MDGA2: variants seen among roughly 807,000 people sequenced by gnomAD.
MDGA2 encodes the protein MAM domain containing glycosylphosphatidylinositol anchor 2.
Under a neutral mutation model 117.8 loss-of-function variants are expected in MDGA2, and 40 were observed. The observed-to-expected ratio is 0.34, with a 90% CI of 0.26 to 0.44. MDGA2 has a LOEUF of 0.44. MDGA2 is among the 20% of genes least tolerant of loss of function. The pLI is 1.00. For synonymous variants in MDGA2, 452 were observed against 439.0 expected (o/e 1.03, Z -0.37); for missense variants, 1,123 against 1,250.6 (o/e 0.90, Z 1.54).
intron 8 of MDGA2, among the ~76,000 whole-genome samples, chr14:46,966,746 T>G (rs1313047558): frequency 7.0e-6 from 1 of 142,814 alleles, no homozygotes; most frequent in Non-Finnish European, 1.6e-5. Flanking sequence ...TGCCCAAGAT[T>G]AATGATTTTA....
chr14:47,586,059 G>A (rs1023040602), intron 1 of MDGA2, among the ~76,000 whole-genome samples: 1 of 151,864 alleles, frequency 6.6e-6, no homozygotes, highest in South Asian at 2.1e-4. Flanking sequence ...GAACGGGAAA[G>A]GAGGTATATT....
intron 9 of MDGA2, among the ~76,000 whole-genome samples, chr14:46,943,639 C>T (rs1885072434): frequency 6.6e-6 from 1 of 152,048 alleles, no homozygotes; most frequent in Admixed American, 6.6e-5. Flanking sequence ...CTTCTCACTT[C>T]CCACATCACA....
intron 7 of MDGA2, among the ~76,000 whole-genome samples, chr14:47,036,927 AAAC>A (rs2138657343): frequency 6.6e-6 from 1 of 152,340 alleles, no homozygotes; most frequent in Non-Finnish European, 1.5e-5. Flanking sequence ...CTTAGAATTT[AAAC>A]AATATGAACT....
rs552632951 is a variant in MDGA2, at chr14:47,167,953, T to G, written c.596-23679A>C. The stretch of plus-strand genomic sequence containing the variant: ...CATCTCTTTTATTGCATATTTCCAT[T>G]TGATAAAATGTACAACTCCATTGCA... On this transcript the variant is annotated intron_variant, in intron 3 of 16. Coordinates refer to ENST00000399232, the MANE Select transcript of MDGA2 (RefSeq NM_001113498.3). 1.3e-3 allele frequency among the ~76,000 whole-genome samples: 200 copies of G among 152,280 alleles called. 1 individual carries two copies. The highest frequency in any genetic ancestry group is 4.6e-3 in the African/African-American group (191 of 41,568).
chr14:47,073,278 C>T (rs1476286198), intron 6 of MDGA2, among the ~76,000 whole-genome samples: 4 of 152,076 alleles, frequency 2.6e-5, no homozygotes, highest in African/African-American at 9.7e-5. Flanking sequence ...CTGGGAGAGT[C>T]AATATAGAAA....
At chr14:47,511,511 G>A (rs891045718) in intron 1 of MDGA2, among the ~76,000 whole-genome samples, 2 of 152,086 alleles carry the variant, frequency 1.3e-5, no homozygotes, top group South Asian at 4.1e-4. Flanking sequence ...AACACAGAAA[G>A]TATCTATTAA....
chr14:46,947,836 T>TA (rs1885228410), intron 9 of MDGA2, among the ~76,000 whole-genome samples: 5 of 151,092 alleles, frequency 3.3e-5, no homozygotes, highest in African/African-American at 1.2e-4. Context: ...ACTTTCTAAT[T>TA]TAAAAAAAAA....
chr14:46,965,073 G>T (rs866781084), intron 8 of MDGA2, among the ~76,000 whole-genome samples: 7 of 140,530 alleles, frequency 5.0e-5, no homozygotes, highest in Non-Finnish European at 8.9e-5. Context: ...ACAGGCGCCC[G>T]CCACCACGCC....
chr14:47,519,434 G>T (rs1015834492), intron 1 of MDGA2, among the ~76,000 whole-genome samples: 2 of 151,922 alleles, frequency 1.3e-5, no homozygotes, highest in Non-Finnish European at 2.9e-5. Flanking sequence ...TTGCAATTTT[G>T]TATACAGCAT....
intron 1 of MDGA2, among the ~76,000 whole-genome samples, chr14:47,383,972 A>AG (rs1472032357): frequency 4.0e-5 from 5 of 124,690 alleles, no homozygotes; most frequent in Non-Finnish European, 6.8e-5. Flanking sequence ...GTATAGAGTT[A>AG]AATAGATAGA....
At chr14:46,998,802 G>T (rs1189847979) in intron 8 of MDGA2, among the ~76,000 whole-genome samples, 1 of 151,854 alleles carries the variant, frequency 6.6e-6, no homozygotes, top group Non-Finnish European at 1.5e-5. Context: ...TTAATTAGTG[G>T]GTCAACTTTT....
intron 3 of MDGA2, among the ~76,000 whole-genome samples, chr14:47,144,943 T>C (rs1279672981): frequency 6.6e-6 from 1 of 151,466 alleles, no homozygotes; most frequent in Non-Finnish European, 1.5e-5. Context: ...ACTACTATAC[T>C]AGACCTCTTT....
intron 2 of MDGA2, among the ~76,000 whole-genome samples, chr14:47,230,541 A>C (rs1410875937): frequency 6.6e-6 from 1 of 152,034 alleles, no homozygotes; most frequent in African/African-American, 2.4e-5. Flanking sequence ...AACTGGAAAG[A>C]GAAAATTAAC....
intron 14 of MDGA2, among the ~76,000 whole-genome samples, chr14:46,872,801 T>C (rs565940157): frequency 4.6e-5 from 7 of 152,056 alleles, no homozygotes; most frequent in South Asian, 2.1e-4. Flanking sequence ...ATGATCTTTT[T>C]CCCCACAGAG....
chr14:47,417,473 A>G (rs1381712014), intron 1 of MDGA2, among the ~76,000 whole-genome samples: 1 of 152,092 alleles, frequency 6.6e-6, no homozygotes, highest in Non-Finnish European at 1.5e-5. Context: ...TTCGACCAAC[A>G]TTCTCTCCAG....
intron 1 of MDGA2, among the ~76,000 whole-genome samples, chr14:47,623,356 C>A (rs1897083763): frequency 6.6e-6 from 1 of 152,142 alleles, no homozygotes; most frequent in African/African-American, 2.4e-5. Context: ...AAAAACTGAA[C>A]TAAGACAGGA....
intron 1 of MDGA2, among the ~76,000 whole-genome samples, chr14:47,517,646 A>G (rs1894781628): frequency 6.6e-6 from 1 of 152,110 alleles, no homozygotes; most frequent in Non-Finnish European, 1.5e-5. Flanking sequence ...AATCAACTCA[A>G]TGAACTTGGG....
intron 2 of MDGA2, among the ~76,000 whole-genome samples, chr14:47,247,546 G>A (rs897565962): frequency 3.3e-5 from 5 of 151,316 alleles, no homozygotes; most frequent in African/African-American, 1.2e-4. Context: ...CAAATGATCT[G>A]CCCACCTGGG....
chr14:46,994,410 A>T (rs1307851689), intron 8 of MDGA2, among the ~76,000 whole-genome samples: 1 of 152,124 alleles, frequency 6.6e-6, no homozygotes, highest in African/African-American at 2.4e-5. Flanking sequence ...AGGAGTGAAG[A>T]CAGTCTGCAA....
Sources: gnomAD v4.1 joint callset for allele counts (sites outside exome capture counted in the v4.1 genomes callset) on GRCh38, gnomAD v4.1.1 for gene constraint, MANE v1.5 for transcripts, NCBI Gene and HGNC (gene_info 2026-07-23, HGNC 2026-07-21) for gene names.